The following CEP290 variants were observed in gnomAD, a reference collection of about 807,000 sequenced individuals.
The protein encoded by CEP290 is centrosomal protein 290.
CEP290 carries 317 observed loss-of-function variants against 344.9 expected under a neutral mutation model. The observed-to-expected ratio is 0.92, with a 90% confidence interval of 0.84 to 1.01. The LOEUF (loss-of-function observed/expected upper bound fraction) is 1.01, where lower values mean the gene tolerates loss of function less well. CEP290 is among the 50% of genes least tolerant of loss of function. CEP290 has a pLI of 0.00. For missense variants in CEP290, 2,754 were observed against 2,761.4 expected, an observed-to-expected ratio of 1.00 and a Z score of 0.06; for synonymous variants, 932 against 895.8, an observed-to-expected ratio of 1.04 and a Z score of -0.72.
intron 26 of CEP290, among the ~76,000 whole-genome samples, chr12:88,097,621 AC>A (rs1565862081): frequency 6.6e-6 from 1 of 151,178 alleles, no homozygotes; most frequent in Non-Finnish European, 1.5e-5. Context: ...ACACACACAC[AC>A]ACACACACAC....
rs1294292132 is a variant in CEP290, at chr12:88,139,171, C to T, written c.271G>A (p.Val91Ile). The change falls in exon 5 of 54, where the codon GTA (valine) becomes ATA (isoleucine). Residue 91 changes from valine to isoleucine, a missense_variant. Physicochemically the swap from Val to Ile is conservative, Grantham distance 29. Coordinates refer to ENST00000552810, the MANE Select transcript of CEP290 (RefSeq NM_025114.4). Reference sequence around the variant, plus strand: ...TCCAGTTCATTTTCCAGTTTCATTACTTTAGTTTTTAATTGATTTTCTATT... The same window carrying T: ...TCCAGTTCATTTTCCAGTTTCATTATTTTAGTTTTTAATTGATTTTCTATT... ...AKFENQLKTK[V>I]MKLENELEMA... The T allele has an allele frequency of 8.4e-7, 1 of 1,190,978 alleles. No individual in the cohort carries two copies. Among genetic ancestry groups the T allele is most frequent in the Non-Finnish European group, 1.1e-6 (1 of 871,380 alleles). 73.8% of individuals were successfully genotyped at this position (1,190,978 alleles called of 1,614,324 possible). A position where few individuals can be genotyped will look rare whatever the true frequency, so the allele number is the denominator to read the frequency against.
Position 88,090,670 on chromosome 12 carries a change from T to C in CEP290, c.3573+58A>G, listed in dbSNP as rs916427173. The C allele has an allele frequency of 3.9e-6, 4 of 1,017,976 alleles. No individual in the cohort carries two copies. In the African/African-American group the frequency reaches 4.9e-5, roughly 12 times the overall value. The allele number at this position is 1,017,976 out of a possible 1,614,324, so 63.1% of individuals were successfully genotyped here. A position where few individuals can be genotyped will look rare whatever the true frequency, so the allele number is the denominator to read the frequency against. The stretch of plus-strand genomic sequence containing the variant: ...TATAACATATCCCACTCCCAACATC[T>C]AATGTAAATTTAGGGAAAAAAGTGG... On this transcript the variant is annotated intron_variant, in intron 30 of 53. Coordinates refer to ENST00000552810, the MANE Select transcript of CEP290 (RefSeq NM_025114.4).
chr12:88,108,840 C>CG (rs1183403747), intron 23 of CEP290, among the ~76,000 whole-genome samples: 8 of 151,990 alleles, frequency 5.3e-5, no homozygotes, highest in African/African-American at 1.9e-4. Flanking sequence ...AAAAAGCAAA[C>CG]GTTAAATGAC....
intron 15 of CEP290, 40 bp downstream of exon 15, chr12:88,120,074 A>G: frequency 7.6e-7 from 1 of 1,322,982 alleles, no homozygotes; most frequent in Non-Finnish European, 9.9e-7. Flanking sequence ...AGACTTGTAA[A>G]TCAGGTTGCG....
intron 13 of CEP290, among the ~76,000 whole-genome samples, chr12:88,122,347 G>T (rs1490275972): frequency 6.6e-6 from 1 of 152,254 alleles, no homozygotes; most frequent in Non-Finnish European, 1.5e-5. Flanking sequence ...ACACAGACAT[G>T]AGATAAAGCT....
intron 17 of CEP290, 57 bp downstream of exon 17, chr12:88,118,426 T>A (rs2039194970): frequency 1.5e-6 from 2 of 1,324,590 alleles, no homozygotes; most frequent in Non-Finnish European, 1.0e-6. Flanking sequence ...TAATTTCATA[T>A]CCAGACAACT....
Position 88,089,254 on chromosome 12 carries a change from A to G in CEP290, c.3807T>C (p.Ser1269=), listed in dbSNP as rs1405878362. ...RAKHLRQTIQ[S]LRRQFSGALP... is the part of the protein sequence containing the mutation. ...AAGCTCCACTAAACTGTCGTCGTAG[A>G]GACTGAATTGTTTGGCGCAGATGTT... The change falls in exon 31 of 54, where the codon TCT becomes TCC. Residue 1269 remains serine, a synonymous_variant. Coordinates refer to ENST00000552810, the MANE Select transcript of CEP290 (RefSeq NM_025114.4). 4 of 1,613,980 alleles carry G rather than the reference A, an allele frequency of 2.5e-6. No individual in the cohort carries two copies. The highest frequency in any genetic ancestry group is 3.4e-6 in the Non-Finnish European group (4 of 1,179,876).
intron 11 of CEP290, among the ~76,000 whole-genome samples, chr12:88,128,564 T>C (rs1478769622): frequency 6.6e-6 from 1 of 152,144 alleles, no homozygotes; most frequent in Non-Finnish European, 1.5e-5. Context: ...CTGATGAACC[T>C]GACATTTAGT....
Position 88,139,530 on chromosome 12 carries a change from T to G in CEP290, c.215A>C (p.Glu72Ala). 1 of 1,598,178 alleles carries G rather than the reference T, an allele frequency of 6.3e-7. No homozygotes were observed. The highest frequency in any genetic ancestry group is 8.5e-7 in the Non-Finnish European group (1 of 1,173,198). Residue 72 changes from glutamate to alanine, a missense_variant, in exon 4 of 54, where the codon GAA (glutamate) becomes GCA (alanine). Coordinates refer to ENST00000552810, the MANE Select transcript of CEP290 (RefSeq NM_025114.4). ...KAQEVELALE[E>A]VEKAGEEQAK... ...TTGTTCTTCTCCAGCTTTTTCTACTTCTTCCAAAGCCAGCTCCACTTCTTG... is the reference window on the plus strand; with the variant it reads ...TTGTTCTTCTCCAGCTTTTTCTACTGCTTCCAAAGCCAGCTCCACTTCTTG...
At chr12:88,066,260 A>G (rs1030746353) in intron 44 of CEP290, among the ~76,000 whole-genome samples, 1 of 152,190 alleles carries the variant, frequency 6.6e-6, no homozygotes, top group Non-Finnish European at 1.5e-5. Flanking sequence ...TAAAAAGTCC[A>G]TAAACTGTAG....
chr12:88,098,379 G>A (rs1485811025), intron 26 of CEP290, among the ~76,000 whole-genome samples: 1 of 152,036 alleles, frequency 6.6e-6, no homozygotes, highest in Non-Finnish European at 1.5e-5. Context: ...GGAGGCTGAG[G>A]TGGGAGAATC....
intron 20 of CEP290, 86 bp downstream of exon 20, chr12:88,114,329 TATCTC>T: frequency 9.9e-7 from 1 of 1,005,458 alleles, no homozygotes; most frequent in South Asian, 2.1e-5. Context: ...TGACTAAAAA[TATCTC>T]ATCAGAAACT....
chr12:88,114,376 T>C, intron 20 of CEP290, 44 bp downstream of exon 20: 1 of 1,477,756 alleles, frequency 6.8e-7, no homozygotes, highest in Admixed American at 2.3e-5. Flanking sequence ...AAAATCTCTC[T>C]AAAGTGATAG....
chr12:88,136,527 G>A (rs2040361130), intron 6 of CEP290, 116 bp downstream of exon 6: 5 of 1,003,756 alleles, frequency 5.0e-6, no homozygotes, highest in Non-Finnish European at 7.6e-6. Context: ...TTAGAGATAA[G>A]TGTACATCAT....
intron 43 of CEP290, 24 bp from the exon 44 acceptor site, chr12:88,068,669 T>C (rs575816349): frequency 4.3e-5 from 68 of 1,564,366 alleles, no homozygotes; most frequent in Admixed American, 2.9e-4. Flanking sequence ...TCACAGACTC[T>C]TTACTATTCA....
At chr12:88,119,975 T>C (rs2039302883) in intron 15 of CEP290, 139 bp downstream of exon 15, 2 of 519,402 alleles carry the variant, frequency 3.9e-6, no homozygotes, top group East Asian at 7.3e-5. Flanking sequence ...GCTCCACTTT[T>C]ATTTGTATTA....
At chr12:88,086,623 T>C (rs1361821469) in intron 32 of CEP290, 125 bp from the exon 33 acceptor site, 5 of 647,434 alleles carry the variant, frequency 7.7e-6, no homozygotes, top group East Asian at 3.0e-5. Flanking sequence ...ATTTTCCTTT[T>C]ATGGAAAAAA....
intron 22 of CEP290, among the ~76,000 whole-genome samples, chr12:88,110,992 A>G (rs1330156430): frequency 1.3e-5 from 2 of 152,178 alleles, no homozygotes; most frequent in Admixed American, 1.3e-4. Context: ...CTAACATCAA[A>G]ATCCATAAAA....
chr12:88,076,034 T>G (rs1440610515), intron 41 of CEP290, among the ~76,000 whole-genome samples: 2 of 152,144 alleles, frequency 1.3e-5, no homozygotes, highest in African/African-American at 2.4e-5. Context: ...CTTAAAACAT[T>G]CTGATAGGAA....
Sources: allele counts gnomAD v4.1 joint callset (sites outside exome capture counted in the v4.1 genomes callset), GRCh38; gene constraint gnomAD v4.1.1; transcripts MANE v1.5; gene names NCBI Gene and HGNC (gene_info 2026-07-23, HGNC 2026-07-21).